ARID3A: variants seen among roughly 807,000 people sequenced by gnomAD.
The protein encoded by ARID3A is AT-rich interactive domain-containing protein 3A.
In ARID3A, 11 loss-of-function variants were observed where a neutral mutation model predicts 52.7. The ratio of observed to expected loss-of-function variants is 0.21; its 90% confidence interval spans 0.13 to 0.35. The LOEUF is 0.35. Ranked by LOEUF, ARID3A falls within the 10% of genes least tolerant of loss-of-function variation. The pLI is 1.00. For synonymous variants in ARID3A, 404 were observed against 359.4 expected (o/e 1.12, Z -1.40); for missense variants, 721 against 838.5 (o/e 0.86, Z 1.73).
In ARID3A at chr19:972,222, G is replaced by GAGAT. The variant is rs1555732595; in HGVS notation, c.*158_*159insGATA. ...CTGACGCCAAAAAGAAAAGAAAAAAGATATATATATATATATATATATATA... is the reference window on the plus strand; with the variant it reads ...CTGACGCCAAAAAGAAAAGAAAAAAGAGATATATATATATATATATATATATATA... On this transcript the variant is annotated 3_prime_UTR_variant, in exon 9 of 9. Coordinates refer to ENST00000263620, the MANE Select transcript of ARID3A (RefSeq NM_005224.3). 2.2e-5 allele frequency: 5 copies of GAGAT among 222,712 alleles called. No homozygotes were observed. The highest frequency in any genetic ancestry group is 7.7e-5 in the African/African-American group (3 of 38,724). The allele number at this position is 222,712 out of a possible 1,614,324, so 13.8% of individuals were successfully genotyped here.
At position 964,846 on chromosome 19, in the gene ARID3A, C is replaced by T; in HGVS notation, c.964C>T (p.Leu322=). 5 of 1,613,942 alleles carry T rather than the reference C, an allele frequency of 3.1e-6. No individual in the cohort carries two copies. The highest frequency in any genetic ancestry group is 1.1e-5 in the South Asian group (1 of 91,084). ...TCCCACCCACAGATACATGAAGTAC[C>T]TGTACCCCTACGAGTGTGAGAAGCG... ...FTLRTQYMKY[L]YPYECEKRGL... is the part of the protein sequence containing the mutation. Residue 322 remains leucine, a synonymous_variant, in exon 6 of 9, where the codon CTG becomes TTG. Coordinates refer to ENST00000263620, the MANE Select transcript of ARID3A (RefSeq NM_005224.3). The surrounding 1 kb of genome is among the most constrained non-coding windows in gnomAD (Gnocchi z 5.7).
chr19:954,917 C>T (rs956911690), intron 3 of ARID3A, among the ~76,000 whole-genome samples: 8 of 152,286 alleles, frequency 5.3e-5, no homozygotes, highest in Admixed American at 2.0e-4. Context: ...GGAGGTCAGG[C>T]GGCGTGGAGG....
intron 3 of ARID3A, among the ~76,000 whole-genome samples, chr19:951,353 A>G (rs998333359): frequency 4.0e-5 from 6 of 151,606 alleles, no homozygotes; most frequent in Non-Finnish European, 8.8e-5. Flanking sequence ...TCAGGAGTTC[A>G]AGACCAGCCT....
chr19:930,716 A>G (rs1374212013), intron 2 of ARID3A, among the ~76,000 whole-genome samples: 43 of 150,674 alleles, frequency 2.9e-4, no homozygotes, highest in East Asian at 1.0e-3. Context: ...TCACCATGTT[A>G]GCCAAGATGG....
At chr19:958,355 G>C (rs2037965335) in intron 3 of ARID3A, among the ~76,000 whole-genome samples, 1 of 145,560 alleles carries the variant, frequency 6.9e-6, no homozygotes, top group Admixed American at 6.7e-5. Flanking sequence ...GTGAACCCGG[G>C]AGGTGGAGCT....
chr19:957,204 C>T (rs1424764582), intron 3 of ARID3A, among the ~76,000 whole-genome samples: 1 of 152,024 alleles, frequency 6.6e-6, no homozygotes, highest in Non-Finnish European at 1.5e-5. Flanking sequence ...TGGTGATCTT[C>T]TTCCTCCCCA....
intron 7 of ARID3A, 70 bp downstream of exon 7, chr19:966,938 A>C: frequency 1.4e-6 from 2 of 1,480,304 alleles, no homozygotes; most frequent in Admixed American, 2.3e-5. Context: ...TGGAGCCTAC[A>C]TATGTAAAGA....
At chr19:958,582 A>G (rs2037972254) in intron 3 of ARID3A, among the ~76,000 whole-genome samples, 1 of 152,176 alleles carries the variant, frequency 6.6e-6, no homozygotes, top group South Asian at 2.1e-4. Flanking sequence ...CAGACCGCAG[A>G]TGGGACGGTG....
intron 3 of ARID3A, among the ~76,000 whole-genome samples, chr19:937,737 T>C (rs1200531657): frequency 2.7e-5 from 4 of 145,798 alleles, no homozygotes; most frequent in African/African-American, 1.0e-4. Flanking sequence ...GACAGAGTCT[T>C]GCTCTGTCAC....
chr19:951,853 A>G (rs2037808709), intron 3 of ARID3A, among the ~76,000 whole-genome samples: 1 of 152,144 alleles, frequency 6.6e-6, no homozygotes, highest in African/African-American at 2.4e-5. Flanking sequence ...AACATTTCTC[A>G]GGCTGGGCAC....
At chr19:940,297 CA>C (rs1318701020) in intron 3 of ARID3A, among the ~76,000 whole-genome samples, 3 of 151,424 alleles carry the variant, frequency 2.0e-5, no homozygotes, top group African/African-American at 4.9e-5. Context: ...CCTGATGAGC[CA>C]AAAAAAATTG....
intron 3 of ARID3A, among the ~76,000 whole-genome samples, chr19:949,391 C>T (rs1170803908): frequency 2.8e-5 from 4 of 141,510 alleles, no homozygotes; most frequent in African/African-American, 2.6e-5. Context: ...ATCAGGCCTC[C>T]GGGAGGGGGT....
intron 8 of ARID3A, among the ~76,000 whole-genome samples, chr19:971,563 A>G (rs1045548365): frequency 6.6e-6 from 1 of 152,170 alleles, no homozygotes; most frequent in Non-Finnish European, 1.5e-5. Flanking sequence ...GCAGTGAGCC[A>G]ATATCGCACC....
chr19:930,703 G>GT (rs1413301871), intron 2 of ARID3A, among the ~76,000 whole-genome samples: 1 of 150,654 alleles, frequency 6.6e-6, no homozygotes, highest in Non-Finnish European at 1.5e-5. Context: ...TAGAGACGGG[G>GT]TTTCACCATG....
chr19:940,993 CG>C (rs1296823655), intron 3 of ARID3A, among the ~76,000 whole-genome samples: 2 of 152,096 alleles, frequency 1.3e-5, no homozygotes, highest in Non-Finnish European at 2.9e-5. Context: ...CTGACTCAGC[CG>C]GAAGAGCCTT....
chr19:944,321 A>AGG lies in ARID3A; in HGVS notation c.693+11583_693+11584dup, dbSNP rs1389101046. Among the ~76,000 whole-genome samples, 4 of 140,576 alleles carry AGG rather than the reference A, an allele frequency of 2.8e-5. No individual in the cohort carries two copies. The highest frequency in any genetic ancestry group is 2.6e-4 in the East Asian group (1 of 3,906). 92.2% of individuals were successfully genotyped at this position (140,576 alleles called of 152,430 possible). A position where few individuals can be genotyped will look rare whatever the true frequency, so the allele number is the denominator to read the frequency against. On this transcript the variant is annotated intron_variant, in intron 3 of 8. Transcript: ENST00000263620. The surrounding 1 kb of genome is among the most constrained non-coding windows in gnomAD (Gnocchi z 5.9). ...TGTGTCTGGCTGCAGGGGCGCGTCC[A>AGG]GGGGGTGTGTGTGTGTGTGTGTGTG...
rs934605415 is a variant in ARID3A, at chr19:929,839, G to A, written c.311G>A (p.Arg104Gln). 5.8e-6 allele frequency: 9 copies of A among 1,545,114 alleles called. No homozygotes were observed. The highest frequency in any genetic ancestry group is 2.0e-5 in the Admixed American group (1 of 51,026). Residue 104 changes from arginine to glutamine, a missense_variant, in exon 2 of 9, where the codon CGA becomes CAA. Transcript: ENST00000263620. This position sits in a 1 kb window ranked among gnomAD's most constrained non-coding sequence, Gnocchi z 6.2. ...GAGGGGACACCGGGCTCACCCGGGC[G>A]AGGCAGAGAAGGGCCAGGAGAGGAG... The part of the protein sequence containing the change: ...AREGTPGSPG[R>Q]GREGPGEEHF...
At position 944,220 on chromosome 19, in the gene ARID3A, C is replaced by T. The variant is rs2037623266; in HGVS notation, c.693+11478C>T. On this transcript the variant is annotated intron_variant, in intron 3 of 8. Transcript: ENST00000263620. The surrounding 1 kb of genome is among the most constrained non-coding windows in gnomAD (Gnocchi z 5.9). ...GAAGCAGAAGCTCCTGCCGCCGGCA[C>T]TGGAGTCCTGACGTCGGCAGCGCGG... Among the ~76,000 whole-genome samples the T allele has an allele frequency of 6.6e-6, 1 of 152,248 alleles. No individual in the cohort carries two copies. The highest frequency in any genetic ancestry group is 2.1e-4 in the South Asian group (1 of 4,834).
At chr19:971,753 C>G in intron 8 of ARID3A, 125 bp from the exon 9 acceptor site, 1 of 1,290,386 alleles carries the variant, frequency 7.7e-7, no homozygotes, top group South Asian at 1.5e-5. Flanking sequence ...CACCACTGCA[C>G]TCTAGCCTGG....
Sources: gnomAD v4.1 joint callset for allele counts (sites outside exome capture counted in the v4.1 genomes callset) on GRCh38, gnomAD v4.1.1 for gene constraint, Gnocchi (gnomAD v3.1) non-coding constraint, MANE v1.5 for transcripts, NCBI Gene and HGNC (gene_info 2026-07-23, HGNC 2026-07-21) for gene names.